HAPSTR1: variants seen among roughly 807,000 people sequenced by gnomAD.
The protein encoded by HAPSTR1 is HUWE1-associated protein modifying stress responses 1.
the HAPSTR1 span, among the ~76,000 whole-genome samples, chr16:9,100,402 A>G: frequency 1.3e-5 from 2 of 151,586 alleles, no homozygotes; most frequent in African/African-American, 2.4e-5. Context: ...AACTTGGCCA[A>G]GCTCTTCACA....
chr16:9,106,854 TG>T, the HAPSTR1 span: 1 of 152,154 alleles, frequency 6.6e-6, no homozygotes, highest in East Asian at 1.9e-4. Context: ...TACCAACAAC[TG>T]GTAACTCGTT....
At chr16:9,113,250 G>A in the HAPSTR1 span, 1 of 151,986 alleles carries the variant, frequency 6.6e-6, no homozygotes, top group African/African-American at 2.4e-5. Context: ...AGATTAGGTA[G>A]GCAGACTTTG....
At chr16:9,092,775 C>G in the HAPSTR1 span, 5 of 879,972 alleles carry the variant, frequency 5.7e-6, no homozygotes, top group African/African-American at 1.7e-5. Flanking sequence ...TTTGGGATCC[C>G]GAAACCCCTG....
At chr16:9,099,140 G>GA in the HAPSTR1 span, among the ~76,000 whole-genome samples, 2 of 33,192 alleles carry the variant, frequency 6.0e-5, no homozygotes, top group South Asian at 5.3e-4. Context: ...AGCATTTAAA[G>GA]AAAAAAAAGG....
the HAPSTR1 span, chr16:9,093,133 C>CG: frequency 1.1e-6 from 1 of 903,138 alleles, no homozygotes; most frequent in Non-Finnish European, 1.7e-6. Flanking sequence ...ACTTGAGAAT[C>CG]GCGGCGGTGC....
At chr16:9,108,174 G>A in the HAPSTR1 span, 5 of 152,100 alleles carry the variant, frequency 3.3e-5, no homozygotes, top group Non-Finnish European at 7.4e-5. Context: ...CACTAAGGAG[G>A]TTGTCATTTA....
chr16:9,118,114 G>A, the HAPSTR1 span: 1 of 152,572 alleles, frequency 6.6e-6, no homozygotes, highest in Non-Finnish European at 1.5e-5. Context: ...ATGTTTTAGA[G>A]CATGTTTCAT....
chr16:9,098,123 G>C, the HAPSTR1 span, among the ~76,000 whole-genome samples: 1 of 152,188 alleles, frequency 6.6e-6, no homozygotes, highest in South Asian at 2.1e-4. Flanking sequence ...TTGAGGTCGG[G>C]AGTTTGAGAC....
chr16:9,102,028 G>C, the HAPSTR1 span, among the ~76,000 whole-genome samples: 462 of 152,340 alleles, frequency 3.0e-3, 1 homozygote, highest in African/African-American at 0.01. Context: ...GGCTGAAGCA[G>C]GAGAACCCTG....
the HAPSTR1 span, chr16:9,116,585 T>A: frequency 2.0e-6 from 3 of 1,522,366 alleles, no homozygotes; most frequent in Non-Finnish European, 2.7e-6. Context: ...GCTTTGACAT[T>A]GTGACAACAT....
chr16:9,115,716 G>A, the HAPSTR1 span, among the ~76,000 whole-genome samples: 1 of 152,204 alleles, frequency 6.6e-6, no homozygotes, highest in Non-Finnish European at 1.5e-5. Context: ...CCGGGTTCAA[G>A]CGATTCTCCT....
At chr16:9,102,978 T>C in the HAPSTR1 span, 1 of 1,610,282 alleles carries the variant, frequency 6.2e-7, no homozygotes, top group Non-Finnish European at 8.5e-7. Flanking sequence ...TCTTTTTTTC[T>C]AACAGAAAGC....
the HAPSTR1 span, chr16:9,106,103 G>C: frequency 6.6e-6 from 1 of 152,178 alleles, no homozygotes; most frequent in South Asian, 2.1e-4. Flanking sequence ...AATGTAAACA[G>C]CTTTAATCAA....
chr16:9,103,111 C>T, the HAPSTR1 span: 54 of 1,614,204 alleles, frequency 3.3e-5, no homozygotes, highest in South Asian at 5.3e-4. Context: ...ATTTGATCAG[C>T]TTCCTGTGTG....
At chr16:9,097,959 A>G in the HAPSTR1 span, among the ~76,000 whole-genome samples, 1 of 152,206 alleles carries the variant, frequency 6.6e-6, no homozygotes, top group East Asian at 1.9e-4. Flanking sequence ...GTTGCTATCT[A>G]AACAAAAACC....
At chr16:9,109,826 G>T in the HAPSTR1 span, 1 of 151,932 alleles carries the variant, frequency 6.6e-6, no homozygotes, top group Non-Finnish European at 1.5e-5. Flanking sequence ...TGAGTTACAA[G>T]ACAGCAGCAG....
At chr16:9,116,609 G>C in the HAPSTR1 span, 6 of 1,575,948 alleles carry the variant, frequency 3.8e-6, no homozygotes, top group Non-Finnish European at 5.2e-6. Context: ...AAGTAAGTGG[G>C]TTGCTTTCAA....
the HAPSTR1 span, chr16:9,109,835 A>T: frequency 1.3e-5 from 2 of 152,086 alleles, no homozygotes; most frequent in African/African-American, 2.4e-5. Context: ...AGACAGCAGC[A>T]GCTCCTTAGT....
At chr16:9,096,098 A>G in the HAPSTR1 span, among the ~76,000 whole-genome samples, 1 of 152,080 alleles carries the variant, frequency 6.6e-6, no homozygotes, top group East Asian at 1.9e-4. Context: ...GTTACTTCTT[A>G]CCTTTATGGT....
Sources: allele counts gnomAD v4.1 joint callset (sites outside exome capture counted in the v4.1 genomes callset), GRCh38; gene constraint gnomAD v4.1.1; transcripts MANE v1.5; gene names NCBI Gene and HGNC (gene_info 2026-07-23, HGNC 2026-07-21).